Variants in ST3GAL2 observed in about 807,000 individuals in gnomAD.
ST3GAL2 encodes CMP-N-acetylneuraminate-beta-galactosamide-alpha-2,3-sialyltransferase 2.
ST3GAL2 carries 16 observed loss-of-function variants against 37.5 expected under a neutral mutation model. That is an observed-to-expected ratio of 0.43 (90% CI 0.29 to 0.65). The LOEUF (loss-of-function observed/expected upper bound fraction) is 0.65, where lower values mean the gene tolerates loss of function less well. Ranked by LOEUF, ST3GAL2 falls within the 30% of genes least tolerant of loss-of-function variation. ST3GAL2 has a pLI of 0.17. For missense variants in ST3GAL2, 383 were observed against 487.8 expected, an observed-to-expected ratio of 0.79 and a Z score of 2.02; for synonymous variants, 238 against 202.9, an observed-to-expected ratio of 1.17 and a Z score of -1.47.
Position 70,398,580 on chromosome 16 carries a change from G to A in ST3GAL2, c.-50C>T, listed in dbSNP as rs376899589. 24 of 1,507,596 alleles carry A rather than the reference G, an allele frequency of 1.6e-5. No homozygotes were observed. The highest frequency in any genetic ancestry group is 6.9e-5 in the African/African-American group (5 of 72,526). 93.4% of individuals were successfully genotyped at this position (1,507,596 alleles called of 1,614,324 possible). On this transcript the variant is annotated 5_prime_UTR_variant, in exon 2 of 7. Coordinates refer to ENST00000342907, the MANE Select transcript of ST3GAL2 (RefSeq NM_006927.4). ...ACCGTGGCCACTCTTTTCCCAGCCCGCTGAGGGGCCAGCCACGGCGTAGCC... is the reference window on the plus strand; with the variant it reads ...ACCGTGGCCACTCTTTTCCCAGCCCACTGAGGGGCCAGCCACGGCGTAGCC...
At chr16:70,389,077 A>T (rs78743389) in intron 3 of ST3GAL2, among the ~76,000 whole-genome samples, 1 of 140,040 alleles carries the variant, frequency 7.1e-6, no homozygotes, top group Non-Finnish European at 1.6e-5. Context: ...CTTGTCTCCA[A>T]AAAAAAAAAA....
In ST3GAL2 at chr16:70,431,985, A is replaced by ATATATATTTTTT. The variant is rs1454729972; in HGVS notation, c.-1004+6963_-1004+6964insAAAAAATATATA. 2.3e-3 allele frequency among the ~76,000 whole-genome samples: 325 copies of ATATATATTTTTT among 139,032 alleles called. 1 individual carries two copies. The highest frequency in any genetic ancestry group is 9.6e-3 in the African/African-American group (302 of 31,358). The allele number at this position is 139,032 out of a possible 152,430, so 91.2% of individuals were successfully genotyped here. A position where few individuals can be genotyped will look rare whatever the true frequency, so the allele number is the denominator to read the frequency against. Reference sequence around the variant, plus strand: ...TCTTAAAAAAAATATATATATATATATTTTTTTTTAACTTAGCTGGGCACA... The same window carrying ATATATATTTTTT: ...TCTTAAAAAAAATATATATATATATATATATATTTTTTTTTTTTTTTAACTTAGCTGGGCACA... On this transcript the variant is annotated intron_variant, in intron 1 of 6. Coordinates refer to ENST00000342907, the MANE Select transcript of ST3GAL2 (RefSeq NM_006927.4).
intron 1 of ST3GAL2, among the ~76,000 whole-genome samples, chr16:70,421,559 C>T (rs1313095545): frequency 2.0e-5 from 3 of 152,198 alleles, no homozygotes; most frequent in Admixed American, 6.5e-5. Context: ...TTACAGTGGA[C>T]CCCAGGGAGC....
chr16:70,421,823 G>A (rs967511334), intron 1 of ST3GAL2, among the ~76,000 whole-genome samples: 3 of 150,762 alleles, frequency 2.0e-5, no homozygotes, highest in African/African-American at 7.5e-5. Flanking sequence ...ACACAACACC[G>A]CACCTGACTT....
At chr16:70,389,248 T>C (rs1463237057) in intron 3 of ST3GAL2, among the ~76,000 whole-genome samples, 1 of 89,736 alleles carries the variant, frequency 1.1e-5, no homozygotes, top group Non-Finnish European at 2.4e-5. Flanking sequence ...AAAAAAAGGT[T>C]ACTAACATTG....
intron 4 of ST3GAL2, among the ~76,000 whole-genome samples, chr16:70,385,438 G>C (rs959970874): frequency 6.6e-6 from 1 of 152,272 alleles, no homozygotes; most frequent in East Asian, 1.9e-4. Context: ...TAATGAAAAC[G>C]TTCTGGAAAT....
chr16:70,395,855 G>A (rs2047512487), intron 2 of ST3GAL2, among the ~76,000 whole-genome samples: 1 of 152,216 alleles, frequency 6.6e-6, no homozygotes, highest in Admixed American at 6.5e-5. Context: ...GCAAAGAGAG[G>A]CAACTTCAGC....
At chr16:70,428,498 T>A (rs1229389897) in intron 1 of ST3GAL2, among the ~76,000 whole-genome samples, 1 of 152,228 alleles carries the variant, frequency 6.6e-6, no homozygotes, top group African/African-American at 2.4e-5. Flanking sequence ...CAATTCTTTG[T>A]GACCAGCCCA....
chr16:70,438,771 C>G (rs1281835111), intron 1 of ST3GAL2, among the ~76,000 whole-genome samples, 178 bp downstream of exon 1: 2 of 151,968 alleles, frequency 1.3e-5, no homozygotes, highest in Non-Finnish European at 2.9e-5. Context: ...ATGAGGCCAA[C>G]GCGCGCGGAC....
chr16:70,387,563 ATAAAAT>A (rs1465259250), intron 4 of ST3GAL2, among the ~76,000 whole-genome samples: 2 of 152,180 alleles, frequency 1.3e-5, no homozygotes, highest in Non-Finnish European at 2.9e-5. Flanking sequence ...TCAAAAAAAA[ATAAAAT>A]TAAAAAAAAT....
intron 4 of ST3GAL2, among the ~76,000 whole-genome samples, chr16:70,388,086 T>C (rs1238143390): frequency 2.0e-5 from 3 of 146,898 alleles, no homozygotes; most frequent in Non-Finnish European, 3.0e-5. Flanking sequence ...CACCCCGGCC[T>C]GGGCAACAAG....
rs1045818957 is a variant in ST3GAL2 at position 70,383,901 on chromosome 16, C to T, written c.714-666G>A. Among the ~76,000 whole-genome samples, 18 of 151,754 alleles carry T rather than the reference C, an allele frequency of 1.2e-4. 1 individual carries two copies. The highest frequency in any genetic ancestry group is 9.2e-4 in the Admixed American group (14 of 15,150). On this transcript the variant is annotated intron_variant, in intron 4 of 6. Coordinates refer to ENST00000342907, the MANE Select transcript of ST3GAL2 (RefSeq NM_006927.4). ...GGGGCCTTCCCTAGACCAGCCCCAA[C>T]CTTCCTCCCCTAGCTCTCTGCTCCA...
At chr16:70,431,735 G>A (rs1051573794) in intron 1 of ST3GAL2, among the ~76,000 whole-genome samples, 3 of 151,396 alleles carry the variant, frequency 2.0e-5, no homozygotes, top group Non-Finnish European at 2.9e-5. Flanking sequence ...AGGCCGAGGC[G>A]GGCAGATCAC....
chr16:70,387,758 A>C (rs1424533107), intron 4 of ST3GAL2, among the ~76,000 whole-genome samples: 2 of 152,104 alleles, frequency 1.3e-5, no homozygotes, highest in African/African-American at 2.4e-5. Context: ...ACTACCCCCA[A>C]AGAAAGTCCT....
rs182019829 is a variant in ST3GAL2, at chr16:70,413,155, C to T, written c.-1003-13622G>A. On this transcript the variant is annotated intron_variant, in intron 1 of 6. Transcript: ENST00000342907. ...ATCCTAGCTACTCGGGAGGCTGAGA[C>T]AGGAGACTCACTTGAACCTGGAAGG... Among the ~76,000 whole-genome samples the T allele has an allele frequency of 1.3e-4, 19 of 151,728 alleles. 1 individual carries two copies. The highest frequency in any genetic ancestry group is 3.4e-3 in the Middle Eastern group (1 of 294).
intron 1 of ST3GAL2, among the ~76,000 whole-genome samples, chr16:70,415,394 G>A (rs560799219): frequency 1.2e-4 from 19 of 152,308 alleles, no homozygotes; most frequent in African/African-American, 4.1e-4. Flanking sequence ...GCACGGGGAA[G>A]GTCACAAGAA....
In ST3GAL2 at chr16:70,377,091, C is replaced by G. The variant is rs1353685546; in HGVS notation, c.*4598G>C. 2.7e-5 allele frequency: 4 copies of G among 146,958 alleles called. No individual in the cohort carries two copies. The highest frequency in any genetic ancestry group is 5.9e-5 in the Non-Finnish European group (4 of 67,494). The allele number at this position is 146,958 out of a possible 1,614,324, so 9.1% of individuals were successfully genotyped here. On this transcript the variant is annotated 3_prime_UTR_variant, in exon 7 of 7. Transcript: ENST00000342907. ...AGCTAGGCTCTAGCTGCTCTGGAGG[C>G]TGAGGTGGGAGGATCACTTGAATCC...
chr16:70,427,338 C>CTTTT (rs561028894), intron 1 of ST3GAL2, among the ~76,000 whole-genome samples: 2 of 132,970 alleles, frequency 1.5e-5, no homozygotes, highest in Non-Finnish European at 3.2e-5. Flanking sequence ...ACCCAGTCTT[C>CTTTT]TTTTTTTTTT....
chr16:70,431,889 A>G (rs980985979), intron 1 of ST3GAL2, among the ~76,000 whole-genome samples: 10 of 152,094 alleles, frequency 6.6e-5, no homozygotes, highest in East Asian at 1.9e-4. Flanking sequence ...GCATGAACCC[A>G]GGAGGCAGAG....
Sources: gnomAD v4.1 joint callset for allele counts (sites outside exome capture counted in the v4.1 genomes callset) on GRCh38, gnomAD v4.1.1 for gene constraint, MANE v1.5 for transcripts, NCBI Gene and HGNC (gene_info 2026-07-23, HGNC 2026-07-21) for gene names.